PCDH9: variants seen among roughly 807,000 people sequenced by gnomAD.
The protein encoded by PCDH9 is protocadherin-9.
A neutral mutation model predicts 70.6 loss-of-function variants in PCDH9; 24 were observed. That is an observed-to-expected ratio of 0.34 (90% confidence interval 0.25 to 0.48). The LOEUF is 0.48. PCDH9 is among the 20% of genes least tolerant of loss of function. PCDH9 has a pLI of 0.99. For missense variants in PCDH9, 1,281 were observed against 1,503.6 expected, an observed-to-expected ratio of 0.85 and a Z score of 2.45; for synonymous variants, 562 against 558.5, an observed-to-expected ratio of 1.01 and a Z score of -0.09.
chr13:67,013,642 TGA>T (rs1271060196), intron 2 of PCDH9, among the ~76,000 whole-genome samples: 1 of 151,988 alleles, frequency 6.6e-6, no homozygotes, highest in Non-Finnish European at 1.5e-5. Context: ...GTACATAGAC[TGA>T]GCCTGCTCAC....
intron 4 of PCDH9, among the ~76,000 whole-genome samples, chr13:66,461,196 A>G (rs1958418177): frequency 6.6e-6 from 1 of 151,826 alleles, no homozygotes; most frequent in Non-Finnish European, 1.5e-5. Context: ...TGACTCATAT[A>G]CTTCTTTAGT....
chr13:66,779,845 C>A (rs370796883), intron 3 of PCDH9, among the ~76,000 whole-genome samples: 6,027 of 40,940 alleles, frequency 0.15, 143 homozygotes, highest in South Asian at 0.23. Flanking sequence ...CTCTCTCTCT[C>A]TCTCTATATA....
chr13:67,051,855 T>A (rs1449306108), intron 2 of PCDH9, among the ~76,000 whole-genome samples: 4 of 152,178 alleles, frequency 2.6e-5, no homozygotes, highest in Non-Finnish European at 5.9e-5. Flanking sequence ...GAATAGATTA[T>A]ACAACTAATT....
intron 4 of PCDH9, among the ~76,000 whole-genome samples, chr13:66,525,570 C>A (rs9540789): frequency 0.24 from 36,845 of 152,028 alleles, 4,879 homozygotes; most frequent in East Asian, 0.34. Context: ...ACAAAACAAG[C>A]AAACAAACAA....
At chr13:66,406,613 G>A (rs902862995) in intron 4 of PCDH9, among the ~76,000 whole-genome samples, 1 of 152,016 alleles carries the variant, frequency 6.6e-6, no homozygotes, top group African/African-American at 2.4e-5. Context: ...GGCTTGTAAC[G>A]GGTCAAATTA....
chr13:66,428,848 T>C (rs1957718728), intron 4 of PCDH9, among the ~76,000 whole-genome samples: 1 of 151,822 alleles, frequency 6.6e-6, no homozygotes, highest in South Asian at 2.1e-4. Flanking sequence ...AAAGTATATA[T>C]TCAACCTTTT....
chr13:66,308,821 G>A lies in PCDH9; in HGVS notation c.3341-3793C>T, dbSNP rs78701899. Among the ~76,000 whole-genome samples, 1,485 of 151,990 alleles carry A rather than the reference G, an allele frequency of 9.8e-3. 15 individuals carry two copies. The highest frequency in any genetic ancestry group is 0.018 in the Admixed American group (280 of 15,200). On this transcript the variant is annotated intron_variant, in intron 4 of 4. Transcript: ENST00000377865. ...CACTAGAAGAGAACTAGAGGAATAT[G>A]GATTTAGCTGCTCAAGAAGGGGAAA...
chr13:66,765,297 T>G (rs12428007), intron 3 of PCDH9, among the ~76,000 whole-genome samples: 1,976 of 152,070 alleles, frequency 0.013, 123 homozygotes, highest in Admixed American at 0.1. Flanking sequence ...CTCATAGATA[T>G]TACATATTAA....
chr13:66,568,414 C>T (rs1270574586), intron 4 of PCDH9, among the ~76,000 whole-genome samples: 3 of 127,338 alleles, frequency 2.4e-5, no homozygotes, highest in Non-Finnish European at 1.6e-5. Context: ...CTCACAGACA[C>T]ATACACACAC....
chr13:67,177,262 C>A (rs1252665365), intron 2 of PCDH9, among the ~76,000 whole-genome samples: 1 of 151,888 alleles, frequency 6.6e-6, no homozygotes, highest in African/African-American at 2.4e-5. Context: ...TTAAATGAAA[C>A]CCCCCTGCCA....
intron 2 of PCDH9, among the ~76,000 whole-genome samples, chr13:67,006,042 C>T (rs796422959): frequency 7.9e-5 from 12 of 152,286 alleles, no homozygotes; most frequent in South Asian, 6.2e-4. Flanking sequence ...CTGGCTAACA[C>T]GGTGAAACCC....
At chr13:66,803,227 C>A (rs932187994) in intron 3 of PCDH9, among the ~76,000 whole-genome samples, 1 of 152,122 alleles carries the variant, frequency 6.6e-6, no homozygotes, top group African/African-American at 2.4e-5. Context: ...TATTCTTTTT[C>A]TTTTCTCTGC....
chr13:66,475,462 C>T (rs1381267299), intron 4 of PCDH9, among the ~76,000 whole-genome samples: 1 of 152,068 alleles, frequency 6.6e-6, no homozygotes, highest in Non-Finnish European at 1.5e-5. Context: ...GCCATATTCT[C>T]ATATGTAAGA....
chr13:66,945,909 A>C (rs2083080765), intron 2 of PCDH9, among the ~76,000 whole-genome samples: 1 of 152,172 alleles, frequency 6.6e-6, no homozygotes. Context: ...TACAGTTTCA[A>C]AATGTAACAA....
At chr13:66,728,153 T>C (rs1225122998) in intron 3 of PCDH9, among the ~76,000 whole-genome samples, 1 of 152,184 alleles carries the variant, frequency 6.6e-6, no homozygotes, top group African/African-American at 2.4e-5. Context: ...TAAAGACATC[T>C]CAATGCTATT....
intron 4 of PCDH9, among the ~76,000 whole-genome samples, chr13:66,368,408 T>C (rs1956587463): frequency 1.3e-5 from 2 of 152,012 alleles, no homozygotes; most frequent in South Asian, 2.1e-4. Context: ...TAATTCCTTT[T>C]AGTGCTCAAT....
At chr13:67,188,522 T>C (rs1190426248) in intron 2 of PCDH9, among the ~76,000 whole-genome samples, 1 of 152,070 alleles carries the variant, frequency 6.6e-6, no homozygotes, top group African/African-American at 2.4e-5. Context: ...CTAATAGAAA[T>C]TTTCTGTTAA....
rs528318301 is a variant in PCDH9 at position 67,224,346 on chromosome 13, A to G, written c.3036+1059T>C. The G allele has an allele frequency of 1.3e-4, 20 of 152,288 alleles. 1 individual carries two copies. The highest frequency in any genetic ancestry group is 1.1e-3 in the Admixed American group (17 of 15,308). 9.4% of individuals were successfully genotyped at this position (152,288 alleles called of 1,614,324 possible). ...TTAAATAAAAGGTATCTTTGGCTGT[A>G]CTACCAGCTTGATCCTTCCCTCCCC... On this transcript the variant is annotated intron_variant, in intron 2 of 4. Transcript: ENST00000377865.
intron 4 of PCDH9, among the ~76,000 whole-genome samples, chr13:66,346,934 A>T (rs1364548614): frequency 6.6e-6 from 1 of 152,226 alleles, no homozygotes; most frequent in Non-Finnish European, 1.5e-5. Context: ...AGCCAACCAT[A>T]GTGGAAATAC....
Sources: gnomAD v4.1 joint callset for allele counts (sites outside exome capture counted in the v4.1 genomes callset) on GRCh38, gnomAD v4.1.1 for gene constraint, MANE v1.5 for transcripts, NCBI Gene and HGNC (gene_info 2026-07-23, HGNC 2026-07-21) for gene names.